Variants in ZNF236 observed in about 807,000 individuals in gnomAD.
ZNF236 encodes the protein regulated by glucose.
In ZNF236, 50 loss-of-function variants were observed where a neutral mutation model predicts 191.2. The ratio of observed to expected loss-of-function variants is 0.26; its 90% CI spans 0.21 to 0.33. The LOEUF (loss-of-function observed/expected upper bound fraction) is 0.33. Among genes scored for constraint, ZNF236 ranks in the 10% least tolerant of loss-of-function variants. The pLI is 1.00. For synonymous variants in ZNF236, 907 were observed against 928.8 expected (o/e 0.98, Z 0.43); for missense variants, 1,754 against 2,374.5 (o/e 0.74, Z 5.43).
rs757008616 is a variant in ZNF236 at position 76,969,824 on chromosome 18, T to G, written c.*1485T>G. ...GTTGTTGTTGTTCACTTTTGGCATA[T>G]GTATATAAGTAATATTGACGGTGAT... is the stretch of plus-strand genomic sequence containing the variant. On this transcript the variant is annotated 3_prime_UTR_variant, in exon 31 of 31. Coordinates refer to ENST00000320610, the MANE Select transcript of ZNF236 (RefSeq NM_001306089.2). The G allele has an allele frequency of 1.3e-5, 2 of 152,668 alleles. No individual in the cohort carries two copies. Among genetic ancestry groups the G allele is most frequent in the Non-Finnish European group, 2.9e-5 (2 of 68,046 alleles). 9.5% of individuals were successfully genotyped at this position (152,668 alleles called of 1,614,324 possible). A position where few individuals can be genotyped will look rare whatever the true frequency, so the allele number is the denominator to read the frequency against.
At chr18:76,870,717 G>A (rs981239835) in intron 4 of ZNF236, among the ~76,000 whole-genome samples, 3 of 152,154 alleles carry the variant, frequency 2.0e-5, no homozygotes, top group Non-Finnish European at 2.9e-5. Context: ...ACTGGGGTGA[G>A]GAGCAGGGAG....
At chr18:76,903,309 G>A (rs1296943431) in intron 11 of ZNF236, among the ~76,000 whole-genome samples, 3 of 152,164 alleles carry the variant, frequency 2.0e-5, no homozygotes, top group Non-Finnish European at 2.9e-5. Context: ...GGCAAATGCC[G>A]AGTACAGGAC....
intron 3 of ZNF236, among the ~76,000 whole-genome samples, chr18:76,857,969 T>A (rs528850233): frequency 1.3e-5 from 2 of 152,198 alleles, no homozygotes; most frequent in Non-Finnish European, 2.9e-5. Context: ...ACTTTTTACG[T>A]TTCTTAAGTA....
In ZNF236 at chr18:76,875,819, A is replaced by T. The variant is rs1372344487; in HGVS notation, c.840+155A>T. 5.3e-5 allele frequency among the ~76,000 whole-genome samples: 8 copies of T among 152,174 alleles called. No individual in the cohort carries two copies. Among genetic ancestry groups the T allele is most frequent in the Non-Finnish European group, 1.0e-4 (7 of 68,016 alleles). On this transcript the variant is annotated intron_variant, in intron 6 of 30. Transcript: ENST00000320610. This position sits in a 1 kb window ranked among gnomAD's most constrained non-coding sequence, Gnocchi z 4.3. ...TGTTTTAAAAAATACATACGTGGGA[A>T]TTTTTTTGGTTTATTACATGTGGAA...
At chr18:76,895,310 A>G in intron 10 of ZNF236, 25 bp downstream of exon 10, 8 of 1,593,792 alleles carry the variant, frequency 5.0e-6, no homozygotes, top group Non-Finnish European at 6.0e-6. Flanking sequence ...CTGGGCCCAC[A>G]CGGGCACTGG....
intron 1 of ZNF236, among the ~76,000 whole-genome samples, chr18:76,842,872 A>G (rs1165266971): frequency 6.6e-6 from 1 of 152,222 alleles, no homozygotes; most frequent in Non-Finnish European, 1.5e-5. Context: ...TTATGAGTAA[A>G]TACATTTGAA....
intron 14 of ZNF236, 40 bp from the exon 15 acceptor site, chr18:76,910,028 C>G: frequency 1.3e-6 from 2 of 1,502,004 alleles, no homozygotes; most frequent in Non-Finnish European, 1.8e-6. Context: ...GAAATAACTT[C>G]CAAATGTATG....
Position 76,854,019 on chromosome 18 carries a change from AAAAAG to A in ZNF236, c.363+2095_363+2099del, listed in dbSNP as rs1169777395. On this transcript the variant is annotated intron_variant, in intron 3 of 30. Transcript: ENST00000320610. ...AGCAAGACTCTGTCTTTAAAAAAAAAAAAAGAAAAGAAAAGAAAAAGAAAATTGCT... is the reference window on the plus strand; with the variant it reads ...AGCAAGACTCTGTCTTTAAAAAAAAAAAAAGAAAAGAAAAAGAAAATTGCT... Among the ~76,000 whole-genome samples the A allele has an allele frequency of 2.6e-5, 4 of 152,086 alleles. No individual in the cohort carries two copies. In the East Asian group the frequency reaches 5.8e-4, roughly 22 times the overall value.
intron 4 of ZNF236, among the ~76,000 whole-genome samples, chr18:76,871,067 T>G (rs1976572231): frequency 6.6e-6 from 1 of 152,144 alleles, no homozygotes; most frequent in Non-Finnish European, 1.5e-5. Flanking sequence ...TGTCCACATT[T>G]GGGGGTGTTT....
Position 76,968,426 on chromosome 18 carries a change from C to G in ZNF236, c.*87C>G. 1 of 1,528,320 alleles carries G rather than the reference C, an allele frequency of 6.5e-7. No individual in the cohort carries two copies. The highest frequency in any genetic ancestry group is 8.7e-7 in the Non-Finnish European group (1 of 1,152,362). 94.7% of individuals were successfully genotyped at this position (1,528,320 alleles called of 1,614,324 possible). ...ACTTGGAATCTCCGTTTTAAAGCTT[C>G]AAGTGTTAAAAATGCTACAATAGTT... is the stretch of plus-strand genomic sequence containing the variant. On this transcript the variant is annotated 3_prime_UTR_variant, in exon 31 of 31. Coordinates refer to ENST00000320610, the MANE Select transcript of ZNF236 (RefSeq NM_001306089.2).
chr18:76,884,373 C>A lies in ZNF236; in HGVS notation c.1417+2861C>A, dbSNP rs535196890. Among the ~76,000 whole-genome samples, 14 of 151,506 alleles carry A rather than the reference C, an allele frequency of 9.2e-5. No homozygotes were observed. In the South Asian group the frequency reaches 1.3e-3, roughly 14 times the overall value. On this transcript the variant is annotated intron_variant, in intron 9 of 30. Coordinates refer to ENST00000320610, the MANE Select transcript of ZNF236 (RefSeq NM_001306089.2). ...CCGAGATCATGCCATTGGACTCCAG[C>A]CCCGGCGACAGTGTGAGACTCCATC...
At chr18:76,864,133 C>G (rs1206681086) in intron 3 of ZNF236, among the ~76,000 whole-genome samples, 2 of 152,134 alleles carry the variant, frequency 1.3e-5, no homozygotes, top group Non-Finnish European at 2.9e-5. Context: ...TCTGCCAGCC[C>G]ACGCTGCAGA....
intron 27 of ZNF236, among the ~76,000 whole-genome samples, chr18:76,955,401 A>G (rs1415378585): frequency 2.0e-5 from 3 of 152,144 alleles, no homozygotes; most frequent in African/African-American, 7.2e-5. Flanking sequence ...TGGGCAAGAG[A>G]GCAAGACTTC....
intron 3 of ZNF236, among the ~76,000 whole-genome samples, chr18:76,857,073 C>A (rs1054670258): frequency 6.6e-6 from 1 of 152,128 alleles, no homozygotes; most frequent in Non-Finnish European, 1.5e-5. Flanking sequence ...GACCACTTCT[C>A]TCGCAGGGCT....
Position 76,960,903 on chromosome 18 carries a change from G to C in ZNF236, c.5419+48G>C, listed in dbSNP as rs182123826. 1 of 1,549,754 alleles carries C rather than the reference G, an allele frequency of 6.5e-7. No individual in the cohort carries two copies. Among genetic ancestry groups the C allele is most frequent in the South Asian group, 1.2e-5 (1 of 84,268 alleles). The stretch of plus-strand genomic sequence containing the variant: ...TGCGTGCTGTTCGGTGGCCTGCGAG[G>C]CACCCTGTGTTTCGCATACATTGTT... On this transcript the variant is annotated intron_variant, in intron 30 of 30. Coordinates refer to ENST00000320610, the MANE Select transcript of ZNF236 (RefSeq NM_001306089.2). The surrounding 1 kb of genome is among the most constrained non-coding windows in gnomAD (Gnocchi z 4.4).
intron 1 of ZNF236, among the ~76,000 whole-genome samples, chr18:76,840,565 C>T (rs1338632671): frequency 4.7e-5 from 7 of 149,094 alleles, no homozygotes; most frequent in Admixed American, 1.3e-4. Context: ...ACGAATACAA[C>T]GAATACATAC....
intron 3 of ZNF236, among the ~76,000 whole-genome samples, chr18:76,857,075 C>T (rs751025577): frequency 1.3e-5 from 2 of 152,130 alleles, no homozygotes; most frequent in South Asian, 2.1e-4. Context: ...CCACTTCTCT[C>T]GCAGGGCTTC....
chr18:76,873,124 G>A (rs1198169704), intron 5 of ZNF236, among the ~76,000 whole-genome samples: 1 of 152,148 alleles, frequency 6.6e-6, no homozygotes, highest in Non-Finnish European at 1.5e-5. Flanking sequence ...GCTTTAATGT[G>A]TAGTCTTTGA....
At chr18:76,908,093 G>A (rs1040457803) in intron 13 of ZNF236, among the ~76,000 whole-genome samples, 2 of 152,096 alleles carry the variant, frequency 1.3e-5, no homozygotes, top group African/African-American at 2.4e-5. Flanking sequence ...TCCTCCGTTC[G>A]TGCCTTGTGT....
Sources: allele counts gnomAD v4.1 joint callset (sites outside exome capture counted in the v4.1 genomes callset), GRCh38; gene constraint gnomAD v4.1.1; non-coding constraint Gnocchi (gnomAD v3.1); transcripts MANE v1.5; gene names NCBI Gene and HGNC (gene_info 2026-07-23, HGNC 2026-07-21).